Variants in FBXW7 observed in about 807,000 individuals in gnomAD.
FBXW7 encodes the protein F-box and WD repeat domain containing 7, also known as F-box/WD repeat-containing protein 7.
Under a neutral mutation model 86.3 loss-of-function variants are expected in FBXW7, and 11 were observed. The ratio of observed to expected loss-of-function variants is 0.13; its 90% confidence interval spans 0.08 to 0.21. FBXW7 has a LOEUF of 0.21. FBXW7 is among the 10% of genes least tolerant of loss of function. The pLI is 1.00. For missense variants in FBXW7, 488 were observed against 847.4 expected, an observed-to-expected ratio of 0.58 and a Z score of 5.27; for synonymous variants, 313 against 297.9, an observed-to-expected ratio of 1.05 and a Z score of -0.52.
chr4:152,516,526 C>T (rs775475825), intron 2 of FBXW7, among the ~76,000 whole-genome samples: 1 of 152,228 alleles, frequency 6.6e-6, no homozygotes, highest in Non-Finnish European at 1.5e-5. Context: ...GGGACTGCTT[C>T]TGTAGAGCGA....
At chr4:152,451,022 AAT>A (rs1741860400) in intron 2 of FBXW7, among the ~76,000 whole-genome samples, 2 of 152,200 alleles carry the variant, frequency 1.3e-5, no homozygotes, top group South Asian at 4.1e-4. Flanking sequence ...CACATCAGCT[AAT>A]TTGATGTATA....
intron 4 of FBXW7, among the ~76,000 whole-genome samples, chr4:152,397,141 G>T (rs1217891139): frequency 6.6e-6 from 1 of 151,774 alleles, no homozygotes; most frequent in Middle Eastern, 3.2e-3. Context: ...TTTCCTCTAA[G>T]TTCATCATAC....
intron 4 of FBXW7, among the ~76,000 whole-genome samples, chr4:152,381,400 T>C (rs887608532): frequency 8.5e-5 from 13 of 152,104 alleles, no homozygotes; most frequent in African/African-American, 3.1e-4. Context: ...AATACACTCA[T>C]TTAATCCCAA....
rs576719475 is a variant in FBXW7 at position 152,358,642 on chromosome 4, C to A, written c.502-8518G>T. Among the ~76,000 whole-genome samples, 10 of 152,186 alleles carry A rather than the reference C, an allele frequency of 6.6e-5. No homozygotes were observed. The South Asian group carries it at 1.9e-3, about 28-fold the overall frequency. On this transcript the variant is annotated intron_variant, in intron 4 of 13. Transcript: ENST00000281708. ...AACACAAGCAATGGAACCAGAAAAA[C>A]CTGGATTTAAGCGCAAGTTTTGCCA...
At chr4:152,467,071 A>T (rs1743523498) in intron 2 of FBXW7, among the ~76,000 whole-genome samples, 1 of 152,224 alleles carries the variant, frequency 6.6e-6, no homozygotes, top group South Asian at 2.1e-4. Flanking sequence ...TAAACTATGA[A>T]ATAAAATATG....
chr4:152,341,381 C>T (rs1224165329), intron 6 of FBXW7, among the ~76,000 whole-genome samples: 1 of 152,214 alleles, frequency 6.6e-6, no homozygotes, highest in Non-Finnish European at 1.5e-5. Flanking sequence ...TAGATACCCA[C>T]ATGCCTTGCT....
chr4:152,417,799 G>A lies in FBXW7; in HGVS notation c.-119-5270C>T, dbSNP rs111303166. Among the ~76,000 whole-genome samples, 29 of 152,100 alleles carry A rather than the reference G, an allele frequency of 1.9e-4. 1 individual carries two copies. Among genetic ancestry groups the A allele is most frequent in the South Asian group, 2.1e-4 (1 of 4,826 alleles). On this transcript the variant is annotated intron_variant, in intron 2 of 13. Transcript: ENST00000281708. ...AACTGCTTGACAGCCTCCATCTATCGCACCTTGGAATCCATGGCAACCACC... is the reference window on the plus strand; with the variant it reads ...AACTGCTTGACAGCCTCCATCTATCACACCTTGGAATCCATGGCAACCACC...
intron 2 of FBXW7, among the ~76,000 whole-genome samples, chr4:152,501,736 T>A (rs1317848213): frequency 1.3e-5 from 2 of 152,184 alleles, no homozygotes; most frequent in Non-Finnish European, 2.9e-5. Flanking sequence ...TTCTTTTTTT[T>A]ATTTGTGAAA....
rs1472384625 is a variant in FBXW7 at position 152,411,666 on chromosome 4, T to A, written c.138A>T (p.Arg46Ser). The stretch of plus-strand genomic sequence containing the variant: ...TTGCAGTGTGCTCCTCCTCTTGTTG[T>A]CTGAGTTGCTGTTGCTGTTCCTCCT... Reference protein sequence around the residue: ...VVEEEQQQQLRQQEEEHTARN... With the variant: ...VVEEEQQQQLSQQEEEHTARN... Residue 46 changes from arginine to serine, a missense_variant, in exon 4 of 14, where the codon AGA (arginine) becomes AGT (serine). Arg to Ser is a moderately radical substitution (Grantham distance 110, BLOSUM62 -1). Transcript: ENST00000281708. The A allele has an allele frequency of 3.7e-6, 6 of 1,613,912 alleles. No homozygotes were observed. The African/African-American group carries it at 4.0e-5, about 11-fold the overall frequency.
intron 7 of FBXW7, among the ~76,000 whole-genome samples, chr4:152,335,461 CTT>C (rs1729979671): frequency 6.6e-6 from 1 of 152,132 alleles, no homozygotes; most frequent in African/African-American, 2.4e-5. Flanking sequence ...GAGTGAGACT[CTT>C]GTCTGTCCAA....
intron 4 of FBXW7, among the ~76,000 whole-genome samples, chr4:152,397,319 T>C (rs1402534883): frequency 1.3e-5 from 2 of 151,994 alleles, no homozygotes; most frequent in East Asian, 3.9e-4. Flanking sequence ...TTGAACTTCT[T>C]CTCTAGAAGC....
intron 4 of FBXW7, among the ~76,000 whole-genome samples, chr4:152,358,983 A>G (rs1732667345): frequency 6.6e-6 from 1 of 152,210 alleles, no homozygotes; most frequent in Non-Finnish European, 1.5e-5. Context: ...AAGCTAAAAC[A>G]CGAGACATTG....
chr4:152,429,662 G>A (rs1038865769), intron 2 of FBXW7, among the ~76,000 whole-genome samples: 1 of 152,168 alleles, frequency 6.6e-6, no homozygotes, highest in African/African-American at 2.4e-5. Context: ...AAACTTGGTA[G>A]TGAATCTTAC....
intron 4 of FBXW7, 88 bp downstream of exon 4, chr4:152,411,215 G>GT: frequency 7.1e-7 from 1 of 1,401,118 alleles, no homozygotes; most frequent in Non-Finnish European, 9.4e-7. Context: ...TTAATTTTTA[G>GT]TAATACAAAG....
intron 2 of FBXW7, among the ~76,000 whole-genome samples, chr4:152,529,732 C>A (rs561944920): frequency 9.5e-4 from 144 of 152,060 alleles, no homozygotes; most frequent in African/African-American, 3.3e-3. Flanking sequence ...TGAGGGAGGT[C>A]GAGGTAGATG....
rs956749611 is a variant in FBXW7 at position 152,514,465 on chromosome 4, T to C, written c.-120+20476A>G. 3.9e-5 allele frequency among the ~76,000 whole-genome samples: 6 copies of C among 152,208 alleles called. No homozygotes were observed. The East Asian group carries it at 7.7e-4, about 20-fold the overall frequency. On this transcript the variant is annotated intron_variant, in intron 2 of 13. Coordinates refer to ENST00000281708, the MANE Select transcript of FBXW7 (RefSeq NM_001349798.2). ...CTCAGGGGTGGGGAGGTATGTTCTC[T>C]AGGGGATGATATAATTTGAATATTT...
rs767438108 is a variant in FBXW7 at position 152,330,866 on chromosome 4, T to C, written c.988A>G (p.Ile330Val). The change falls in exon 9 of 14, where the codon ATT becomes GTT. Residue 330 changes from isoleucine to valine, a missense_variant and splice_region_variant. Physicochemically the swap from Ile to Val is conservative, Grantham distance 29. Around this residue, in one of 4 missense-constraint regions of FBXW7, gnomAD observed 57 missense variants for 62.8 expected, o/e 0.91. Coordinates refer to ENST00000281708, the MANE Select transcript of FBXW7 (RefSeq NM_001349798.2). ...CTCTTGATGTGCAATGGTTCATCAA[T>C]CCCTAAAGTGTTACAGTTCAAGAGT... is the stretch of plus-strand genomic sequence containing the variant. ...LWREKCKEEG[I>V]DEPLHIKRRK... 1.2e-6 allele frequency: 2 copies of C among 1,610,972 alleles called. No homozygotes were observed. The highest frequency in any genetic ancestry group is 1.3e-5 in the African/African-American group (1 of 74,856).
chr4:152,508,005 T>C (rs1237133584), intron 2 of FBXW7, among the ~76,000 whole-genome samples: 2 of 151,554 alleles, frequency 1.3e-5, no homozygotes, highest in African/African-American at 4.9e-5. Context: ...GAAATCCAGG[T>C]TGCAGTGAGC....
At chr4:152,481,276 G>A (rs1744851457) in intron 2 of FBXW7, among the ~76,000 whole-genome samples, 1 of 152,132 alleles carries the variant, frequency 6.6e-6, no homozygotes, top group Admixed American at 6.6e-5. Flanking sequence ...TAACAACATG[G>A]TTTGCCGAAT....
Sources: gnomAD v4.1 joint callset for allele counts (sites outside exome capture counted in the v4.1 genomes callset) on GRCh38, gnomAD v4.1.1 for gene constraint, gnomAD v4.1.1 regional missense constraint, MANE v1.5 for transcripts, NCBI Gene and HGNC (gene_info 2026-07-23, HGNC 2026-07-21) for gene names.